Variants in NMNAT3 observed in about 807,000 individuals in gnomAD.
The protein encoded by NMNAT3 is nicotinamide nucleotide adenylyltransferase 3.
A neutral mutation model predicts 24.8 loss-of-function variants in NMNAT3; 21 were observed. That is an observed-to-expected ratio of 0.85 (90% confidence interval 0.60 to 1.22). NMNAT3 has a LOEUF of 1.22. Ranked by LOEUF, NMNAT3 falls within the 50% of genes most tolerant of loss-of-function variation. NMNAT3 has a pLI of 0.00. For missense variants in NMNAT3, 387 were observed against 436.6 expected, an observed-to-expected ratio of 0.89 and a Z score of 1.01; for synonymous variants, 136 against 155.2, an observed-to-expected ratio of 0.88 and a Z score of 0.92.
chr3:139,602,724 CTA>C (rs2054772629), intron 3 of NMNAT3, among the ~76,000 whole-genome samples: 1 of 152,164 alleles, frequency 6.6e-6, no homozygotes, highest in African/African-American at 2.4e-5. Context: ...GGCTACTTTT[CTA>C]TAATGATCAA....
rs114125933 is a variant in NMNAT3, at chr3:139,649,211, C to A, written c.-140-11149G>T. ...ATGTCTGGCAAACAGTGGCGACCCTCAGTAATTGTGTGCTCAGTGAAGGGC... is the reference window on the plus strand; with the variant it reads ...ATGTCTGGCAAACAGTGGCGACCCTAAGTAATTGTGTGCTCAGTGAAGGGC... On this transcript the variant is annotated intron_variant, in intron 1 of 6. Transcript: ENST00000643695. Among the ~76,000 whole-genome samples, 1,105 of 152,216 alleles carry A rather than the reference C, an allele frequency of 7.3e-3. 14 individuals are homozygous for A. The highest frequency in any genetic ancestry group is 0.025 in the African/African-American group (1,047 of 41,528).
At chr3:139,586,271 C>A (rs2108142552) in intron 3 of NMNAT3, among the ~76,000 whole-genome samples, 1 of 152,182 alleles carries the variant, frequency 6.6e-6, no homozygotes, top group East Asian at 1.9e-4. Flanking sequence ...AACTAATGGG[C>A]ACCAAGCTTA....
chr3:139,637,233 T>A (rs1290731404), intron 2 of NMNAT3: 1 of 152,202 alleles, frequency 6.6e-6, no homozygotes, highest in Non-Finnish European at 1.5e-5. Flanking sequence ...TCATACCCAT[T>A]CCACACCAGT....
chr3:139,676,645 A>G (rs1198903004), intron 1 of NMNAT3, among the ~76,000 whole-genome samples: 2 of 152,238 alleles, frequency 1.3e-5, no homozygotes, highest in African/African-American at 4.8e-5. Context: ...CATGGGCTCC[A>G]GGAGGGCAGG....
chr3:139,640,826 T>C (rs948218097), intron 1 of NMNAT3, among the ~76,000 whole-genome samples: 1 of 152,240 alleles, frequency 6.6e-6, no homozygotes, highest in Non-Finnish European at 1.5e-5. Flanking sequence ...TACTGAGCTA[T>C]GAGCAGACTG....
In NMNAT3 at chr3:139,627,715, G is replaced by A. The variant is rs745497501; in HGVS notation, c.10C>T (p.Arg4Ter). Reference sequence around the variant, plus strand: ...CAGGCCAGGAGCACCACAGGTATTCGGCTCTTCATCTTGTCAGGCACATCC... The same window carrying A: ...CAGGCCAGGAGCACCACAGGTATTCAGCTCTTCATCTTGTCAGGCACATCC... Residue 4 changes from arginine (R) to a stop codon, truncating the protein, a stop_gained, in exon 3 of 7, where the codon CGA (arginine) becomes TGA (stop). Coordinates refer to ENST00000643695, the MANE Select transcript of NMNAT3 (RefSeq NM_001320510.2). LOFTEE classifies it high-confidence loss of function. 1.2e-5 allele frequency: 19 copies of A among 1,590,780 alleles called. No homozygotes were observed. The highest frequency in any genetic ancestry group is 5.1e-5 in the Admixed American group (3 of 59,022).
At chr3:139,609,590 A>T (rs2055106811) in intron 3 of NMNAT3, 1 of 133,952 alleles carries the variant, frequency 7.5e-6, no homozygotes, top group East Asian at 2.2e-4. Flanking sequence ...GTTTTGTTAA[A>T]TTTTTAAAGT....
chr3:139,597,643 T>C (rs2054540836), intron 3 of NMNAT3, among the ~76,000 whole-genome samples: 1 of 152,192 alleles, frequency 6.6e-6, no homozygotes, highest in Non-Finnish European at 1.5e-5. Flanking sequence ...AATTCCTCAC[T>C]CTGCCATTAT....
chr3:139,603,725 C>T (rs2054816745), intron 3 of NMNAT3, among the ~76,000 whole-genome samples: 1 of 152,124 alleles, frequency 6.6e-6, no homozygotes, highest in Non-Finnish European at 1.5e-5. Flanking sequence ...AGCATTACCA[C>T]CACACTCCAA....
intron 3 of NMNAT3, among the ~76,000 whole-genome samples, chr3:139,623,930 C>T (rs925172922): frequency 6.6e-6 from 1 of 152,144 alleles, no homozygotes; most frequent in Non-Finnish European, 1.5e-5. Flanking sequence ...GGTTTGTTTA[C>T]ACCAGCGTCA....
intron 6 of NMNAT3, among the ~76,000 whole-genome samples, chr3:139,562,372 G>A (rs897698993): frequency 6.6e-6 from 1 of 152,170 alleles, no homozygotes; most frequent in Non-Finnish European, 1.5e-5. Flanking sequence ...CACTATCCGT[G>A]TCCCTCTTGG....
chr3:139,591,704 G>A (rs1401861902), intron 3 of NMNAT3, among the ~76,000 whole-genome samples: 2 of 152,198 alleles, frequency 1.3e-5, no homozygotes, highest in Non-Finnish European at 2.9e-5. Flanking sequence ...CCCCAGCAGG[G>A]GCAGACTGAC....
At chr3:139,586,311 T>A (rs555998459) in intron 3 of NMNAT3, among the ~76,000 whole-genome samples, 8 of 152,226 alleles carry the variant, frequency 5.3e-5, no homozygotes, top group Admixed American at 2.0e-4. Flanking sequence ...ATCTGTGCAA[T>A]AGACCCCTGA....
At chr3:139,663,513 A>C (rs1179851168) in intron 1 of NMNAT3, among the ~76,000 whole-genome samples, 1 of 152,210 alleles carries the variant, frequency 6.6e-6, no homozygotes, top group Admixed American at 6.5e-5. Flanking sequence ...ACAGCTATTA[A>C]GTAGTACTAG....
At chr3:139,601,392 G>T (rs1302789339) in intron 3 of NMNAT3, among the ~76,000 whole-genome samples, 1 of 152,120 alleles carries the variant, frequency 6.6e-6, no homozygotes, top group Non-Finnish European at 1.5e-5. Context: ...CTTCACTTGT[G>T]CAATAAGAAT....
intron 4 of NMNAT3, among the ~76,000 whole-genome samples, chr3:139,582,639 CAAAAAAAAA>C (rs58495559): frequency 1.7e-5 from 1 of 57,476 alleles, no homozygotes; most frequent in African/African-American, 8.1e-5. Context: ...GGGACTGTCT[CAAAAAAAAA>C]AAAAAAAAAA....
chr3:139,663,773 C>T lies in NMNAT3; in HGVS notation c.-141+13932G>A, dbSNP rs16849257. Reference sequence around the variant, plus strand: ...CCTCAACTGATCTGTCCACACTGACCCCAGCTCAAGTACTGCCCGTGAAAG... The same window carrying T: ...CCTCAACTGATCTGTCCACACTGACTCCAGCTCAAGTACTGCCCGTGAAAG... On this transcript the variant is annotated intron_variant, in intron 1 of 6. Coordinates refer to ENST00000643695, the MANE Select transcript of NMNAT3 (RefSeq NM_001320510.2). Among the ~76,000 whole-genome samples the T allele has an allele frequency of 6.0e-3, 919 of 152,318 alleles. 13 individuals carry two copies. The highest frequency in any genetic ancestry group is 0.021 in the African/African-American group (881 of 41,570).
At chr3:139,577,176 C>A (rs1033576839) in intron 5 of NMNAT3, among the ~76,000 whole-genome samples, 4 of 151,916 alleles carry the variant, frequency 2.6e-5, no homozygotes, top group African/African-American at 9.7e-5. Flanking sequence ...AATCTTAGCT[C>A]ACTCCTGTAT....
At position 139,650,084 on chromosome 3, in the gene NMNAT3, G is replaced by A. The variant is rs1335151461; in HGVS notation, c.-140-12022C>T. The stretch of plus-strand genomic sequence containing the variant: ...CATCTCAAACACAGACTGCATAGGG[G>A]CAGTGCTTTACAGGTGACAGGTCTC... On this transcript the variant is annotated intron_variant, in intron 1 of 6. Coordinates refer to ENST00000643695, the MANE Select transcript of NMNAT3 (RefSeq NM_001320510.2). Among the ~76,000 whole-genome samples, 5 of 152,294 alleles carry A rather than the reference G, an allele frequency of 3.3e-5. No homozygotes were observed. In the East Asian group the frequency reaches 9.7e-4, roughly 29 times the overall value.
Sources: gnomAD v4.1 joint callset for allele counts (sites outside exome capture counted in the v4.1 genomes callset) on GRCh38, gnomAD v4.1.1 for gene constraint, MANE v1.5 for transcripts, NCBI Gene and HGNC (gene_info 2026-07-23, HGNC 2026-07-21) for gene names.